The following DOCK8 variants were observed in gnomAD, a reference collection of about 807,000 sequenced individuals.
DOCK8 encodes dedicator of cytokinesis protein 8.
Under a neutral mutation model 245.6 loss-of-function variants are expected in DOCK8, and 141 were observed. The observed-to-expected ratio is 0.57, with a 90% CI of 0.50 to 0.66. The LOEUF (loss-of-function observed/expected upper bound fraction) is 0.66, where lower values mean the gene tolerates loss of function less well. Among genes scored for constraint, DOCK8 ranks in the 30% least tolerant of loss-of-function variants. The pLI is 0.00. For missense variants in DOCK8, 2,965 were observed against 2,603.4 expected, an observed-to-expected ratio of 1.14 and a Z score of -3.02; for synonymous variants, 1,168 against 970.2, an observed-to-expected ratio of 1.20 and a Z score of -3.79.
At chr9:353,249 T>A (rs1231301692) in intron 14 of DOCK8, among the ~76,000 whole-genome samples, 1 of 146,888 alleles carries the variant, frequency 6.8e-6, no homozygotes, top group Admixed American at 7.0e-5. Context: ...GCCAAGTGCC[T>A]AAAGCAAGGA....
intron 1 of DOCK8, among the ~76,000 whole-genome samples, chr9:227,169 A>C (rs893310926): frequency 6.6e-6 from 1 of 152,190 alleles, no homozygotes; most frequent in South Asian, 2.1e-4. Flanking sequence ...TGCTTTTGTA[A>C]TTGGAAGAAG....
At chr9:292,980 A>C (rs2049107349) in intron 4 of DOCK8, among the ~76,000 whole-genome samples, 1 of 152,064 alleles carries the variant, frequency 6.6e-6, no homozygotes, top group Non-Finnish European at 1.5e-5. Flanking sequence ...TATTATATGC[A>C]AGTTTTTGCA....
intron 1 of DOCK8, among the ~76,000 whole-genome samples, chr9:224,972 AC>A (rs2046960477): frequency 6.6e-6 from 1 of 152,040 alleles, no homozygotes; most frequent in Non-Finnish European, 1.5e-5. Context: ...TTAATATCTT[AC>A]TCTTTCATTC....
chr9:379,161 A>T (rs186872307), intron 20 of DOCK8, among the ~76,000 whole-genome samples: 3 of 152,282 alleles, frequency 2.0e-5, no homozygotes, highest in Admixed American at 2.0e-4. Flanking sequence ...AAAGGGTACA[A>T]GGTTAGATAA....
chr9:393,429 T>A (rs143694051), intron 24 of DOCK8, among the ~76,000 whole-genome samples: 17 of 152,330 alleles, frequency 1.1e-4, no homozygotes, highest in African/African-American at 3.8e-4. Context: ...CATCATCTAA[T>A]GTAATCATTA....
At chr9:328,781 A>C (rs950710290) in intron 9 of DOCK8, among the ~76,000 whole-genome samples, 5 of 150,396 alleles carry the variant, frequency 3.3e-5, no homozygotes, top group African/African-American at 1.2e-4. Flanking sequence ...GTTGAAATCT[A>C]TGGGGCAATT....
chr9:330,059 C>T (rs1370584603), intron 9 of DOCK8, among the ~76,000 whole-genome samples: 1 of 152,052 alleles, frequency 6.6e-6, no homozygotes, highest in East Asian at 1.9e-4. Context: ...AGAGGGGCTT[C>T]TTTCTTTTTT....
At chr9:421,726 G>C (rs1160730570) in intron 32 of DOCK8, among the ~76,000 whole-genome samples, 2 of 152,180 alleles carry the variant, frequency 1.3e-5, no homozygotes, top group Non-Finnish European at 2.9e-5. Flanking sequence ...TGGTGGTCAG[G>C]CACCCTCATT....
chr9:317,584 C>CA (rs1436953273), intron 7 of DOCK8, among the ~76,000 whole-genome samples: 1 of 152,184 alleles, frequency 6.6e-6, no homozygotes, highest in Non-Finnish European at 1.5e-5. Context: ...CCACCCTCAG[C>CA]ACCCGGAGAT....
rs2129939906 is a variant in DOCK8, at chr9:271,635, C to T, written c.62C>T (p.Ser21Leu). The T allele has an allele frequency of 1.9e-6, 3 of 1,546,786 alleles. No homozygotes were observed. The highest frequency in any genetic ancestry group is 4.9e-5 in the East Asian group (2 of 40,882). The change falls in exon 2 of 48, where the codon TCA becomes TTA. Residue 21 changes from serine (S) to leucine (L), a missense_variant. Ser to Leu is a moderately radical substitution (Grantham distance 145, BLOSUM62 -2). This residue lies in a region of DOCK8 where 2,825 missense variants were observed against 2,453.5 expected (regional missense o/e 1.15). Coordinates refer to ENST00000432829, the MANE Select transcript of DOCK8 (RefSeq NM_203447.4). ...AFALKINRYSSAEIRKQFTLP... is the reference protein window; with the variant it reads ...AFALKINRYSLAEIRKQFTLP... ...TTCTATTTTAATCCAAGGTATTCTT[C>T]AGCGGAAATAAGGAAACAGTTTACT...
rs769150252 is a variant in DOCK8, at chr9:336,669, G to A, written c.1373G>A (p.Gly458Glu). ...CTCTCCTTGGAGGAAAATGGGGTTG[G>A]ATCCAACTTCAAAACCTCCACTCTG... ...RALSLEENGV[G>E]SNFKTSTLSV... The change falls in exon 12 of 48, where the codon GGA becomes GAA. Residue 458 changes from glycine (G) to glutamate (E), a missense_variant. Physicochemically the swap from Gly to Glu is moderately conservative, Grantham distance 98. Coordinates refer to ENST00000432829, the MANE Select transcript of DOCK8 (RefSeq NM_203447.4). The A allele has an allele frequency of 3.8e-5, 61 of 1,614,108 alleles. No homozygotes were observed. The highest frequency in any genetic ancestry group is 5.0e-5 in the Non-Finnish European group (59 of 1,180,010).
chr9:293,964 C>T (rs568101510), intron 4 of DOCK8, among the ~76,000 whole-genome samples: 1 of 152,358 alleles, frequency 6.6e-6, no homozygotes, highest in South Asian at 2.1e-4. Flanking sequence ...CTTCCCTTAA[C>T]TCACTCTTCA....
At chr9:387,847 A>G (rs1184835730) in intron 23 of DOCK8, among the ~76,000 whole-genome samples, 1 of 152,136 alleles carries the variant, frequency 6.6e-6, no homozygotes, top group Non-Finnish European at 1.5e-5. Flanking sequence ...CTACAGCCTG[A>G]CTTCTTTAAC....
chr9:266,585 C>T (rs967284722), intron 1 of DOCK8, among the ~76,000 whole-genome samples: 9 of 152,042 alleles, frequency 5.9e-5, no homozygotes, highest in Non-Finnish European at 1.3e-4. Flanking sequence ...GCAAATGATC[C>T]AGCAGCCACA....
At chr9:418,338 C>T (rs1054014851) in intron 30 of DOCK8, 131 bp downstream of exon 30, 1 of 1,239,458 alleles carries the variant, frequency 8.1e-7, no homozygotes, top group Non-Finnish European at 1.2e-6. Flanking sequence ...GTGGCGCAAT[C>T]TCAGTTCACT....
At chr9:217,184 T>C (rs1348157651) in intron 1 of DOCK8, among the ~76,000 whole-genome samples, 1 of 152,224 alleles carries the variant, frequency 6.6e-6, no homozygotes, top group African/African-American at 2.4e-5. Flanking sequence ...TTGCTTGTAG[T>C]GTCTGGCTCA....
intron 21 of DOCK8, among the ~76,000 whole-genome samples, chr9:381,683 C>T (rs947749917): frequency 1.3e-5 from 2 of 152,024 alleles, no homozygotes; most frequent in Admixed American, 6.6e-5. Context: ...TGGCTGGGTG[C>T]GGTGGTTCAT....
At position 439,338 on chromosome 9, in the gene DOCK8, G is replaced by T; in HGVS notation, c.5173G>T (p.Glu1725Ter). 6.2e-7 allele frequency: 1 copy of T among 1,614,138 alleles called. No homozygotes were observed. Among genetic ancestry groups the T allele is most frequent in the Non-Finnish European group, 8.5e-7 (1 of 1,180,040 alleles). The part of the protein sequence containing the change: ...DGVCAGQYFT[E>*]SGLVGLLEQA... ...GGTGTGCGCAGGCCAGTACTTCACC[G>T]AGAGTGGCCTGGTAGGCCTCCTGGA... The change falls in exon 40 of 48, where the codon GAG becomes TAG. Residue 1725 changes from glutamate (E) to a stop codon, truncating the protein, a stop_gained. Transcript: ENST00000432829. LOFTEE classifies it high-confidence loss of function.
At chr9:335,257 C>T (rs1458110500) in intron 11 of DOCK8, among the ~76,000 whole-genome samples, 3 of 152,130 alleles carry the variant, frequency 2.0e-5, no homozygotes, top group Non-Finnish European at 2.9e-5. Context: ...TTCATTCCTA[C>T]ACTGCTTGGT....
Sources: allele counts gnomAD v4.1 joint callset (sites outside exome capture counted in the v4.1 genomes callset), GRCh38; gene constraint gnomAD v4.1.1; regional missense constraint gnomAD v4.1.1; transcripts MANE v1.5; gene names NCBI Gene and HGNC (gene_info 2026-07-23, HGNC 2026-07-21).